PDGFD: variants seen among roughly 807,000 people sequenced by gnomAD.
PDGFD encodes the protein platelet derived growth factor D.
PDGFD carries 30 observed loss-of-function variants against 44.7 expected under a neutral mutation model. The observed-to-expected ratio is 0.67, with a 90% confidence interval of 0.50 to 0.91. The LOEUF (loss-of-function observed/expected upper bound fraction) is 0.91. PDGFD is among the 40% of genes least tolerant of loss of function. The pLI is 0.00. For synonymous variants in PDGFD, 173 were observed against 168.4 expected (o/e 1.03, Z -0.21); for missense variants, 445 against 457.8 (o/e 0.97, Z 0.25).
intron 1 of PDGFD, among the ~76,000 whole-genome samples, chr11:104,031,270 A>G (rs1403562313): frequency 2.6e-5 from 4 of 152,222 alleles, no homozygotes; most frequent in African/African-American, 4.8e-5. Flanking sequence ...TCCAGGATCT[A>G]AAAGGAACTT....
intron 1 of PDGFD, among the ~76,000 whole-genome samples, chr11:104,084,130 T>A (rs1861086064): frequency 6.6e-6 from 1 of 152,192 alleles, no homozygotes; most frequent in Non-Finnish European, 1.5e-5. Flanking sequence ...TCAAGTATGC[T>A]TCTATGCATT....
intron 1 of PDGFD, among the ~76,000 whole-genome samples, chr11:104,102,691 G>A (rs976066071): frequency 6.6e-6 from 1 of 152,090 alleles, no homozygotes; most frequent in South Asian, 2.1e-4. Flanking sequence ...ATGTCCATCA[G>A]TGATAGACTG....
intron 3 of PDGFD, among the ~76,000 whole-genome samples, chr11:103,969,511 T>C (rs1174904049): frequency 7.0e-6 from 1 of 143,278 alleles, no homozygotes; most frequent in Non-Finnish European, 1.5e-5. Flanking sequence ...TGGAAGTGGT[T>C]GAGGTATCAC....
chr11:104,009,282 T>C (rs901669592), intron 1 of PDGFD, among the ~76,000 whole-genome samples: 1 of 152,042 alleles, frequency 6.6e-6, no homozygotes, highest in Non-Finnish European at 1.5e-5. Context: ...TTTGCTGTTA[T>C]ATATGGGGGC....
intron 6 of PDGFD, among the ~76,000 whole-genome samples, chr11:103,918,741 T>A (rs1858163933): frequency 6.6e-6 from 1 of 152,182 alleles, no homozygotes; most frequent in Non-Finnish European, 1.5e-5. Flanking sequence ...TTGGACTGCC[T>A]TACTGGATGA....
At chr11:103,913,811 G>A (rs919246175) in intron 6 of PDGFD, among the ~76,000 whole-genome samples, 32 of 152,124 alleles carry the variant, frequency 2.1e-4, no homozygotes, top group African/African-American at 7.7e-4. Context: ...AAATGATAAA[G>A]GGGATATCAC....
chr11:104,036,844 G>A (rs1288574029), intron 1 of PDGFD: 3 of 1,614,016 alleles, frequency 1.9e-6, no homozygotes, highest in Admixed American at 3.3e-5. Context: ...CGTGTACTGC[G>A]TGCGGAGGGA....
chr11:104,084,891 C>A (rs568384775), intron 1 of PDGFD, among the ~76,000 whole-genome samples: 1 of 125,874 alleles, frequency 7.9e-6, no homozygotes, highest in South Asian at 2.2e-4. Flanking sequence ...GAATATAAAA[C>A]ATGTAATACA....
chr11:103,943,850 C>T (rs1050710592), intron 4 of PDGFD, among the ~76,000 whole-genome samples, 200 bp from the exon 5 acceptor site: 6 of 152,194 alleles, frequency 3.9e-5, no homozygotes, highest in South Asian at 2.1e-4. Context: ...AGATAACATT[C>T]GCTTTTTTGT....
Position 104,079,128 on chromosome 11 carries a change from T to A in PDGFD, c.125-78873A>T, listed in dbSNP as rs361306. 1.1e-4 allele frequency among the ~76,000 whole-genome samples: 16 copies of A among 152,082 alleles called. No individual in the cohort carries two copies. The East Asian group carries it at 3.1e-3, about 29-fold the overall frequency. The stretch of plus-strand genomic sequence containing the variant: ...GAAAATCTGAGAAAAACATATTTGG[T>A]GAATTCAAACAAAGTAGACATGTTA... On this transcript the variant is annotated intron_variant, in intron 1 of 6. Coordinates refer to ENST00000393158, the MANE Select transcript of PDGFD (RefSeq NM_025208.5).
At chr11:104,102,836 C>A (rs1040784206) in intron 1 of PDGFD, among the ~76,000 whole-genome samples, 3 of 152,182 alleles carry the variant, frequency 2.0e-5, no homozygotes, top group Non-Finnish European at 4.4e-5. Context: ...GGACAAAAAA[C>A]CAAACACCGC....
chr11:104,057,079 G>C (rs949540290), intron 1 of PDGFD, among the ~76,000 whole-genome samples: 3 of 152,190 alleles, frequency 2.0e-5, no homozygotes, highest in African/African-American at 7.2e-5. Flanking sequence ...AGTGAGCCCA[G>C]ATCGAGCCAC....
At chr11:103,957,068 T>A (rs1238200085) in intron 3 of PDGFD, among the ~76,000 whole-genome samples, 2 of 152,274 alleles carry the variant, frequency 1.3e-5, no homozygotes, top group African/African-American at 4.8e-5. Context: ...TTTAATTAGA[T>A]CCCATTTGTC....
At chr11:103,950,808 T>C (rs984804539) in intron 3 of PDGFD, among the ~76,000 whole-genome samples, 1 of 152,140 alleles carries the variant, frequency 6.6e-6, no homozygotes, top group African/African-American at 2.4e-5. Flanking sequence ...GAAACGCATA[T>C]AGTTGAAGCT....
At chr11:104,016,139 C>A (rs1031737580) in intron 1 of PDGFD, among the ~76,000 whole-genome samples, 1 of 152,122 alleles carries the variant, frequency 6.6e-6, no homozygotes, top group African/African-American at 2.4e-5. Flanking sequence ...GATGACCAAA[C>A]TAAAATTGAC....
At chr11:104,066,835 ATTATTTTCTCTTGAAGAC>A (rs1860797631) in intron 1 of PDGFD, among the ~76,000 whole-genome samples, 2 of 152,132 alleles carry the variant, frequency 1.3e-5, no homozygotes, top group African/African-American at 4.8e-5. Context: ...TAGCTTCAAT[ATTATTTTCTCTTGAAGAC>A]TTTAACCAAA....
At chr11:103,938,562 G>T (rs1448778308) in intron 5 of PDGFD, among the ~76,000 whole-genome samples, 1 of 152,066 alleles carries the variant, frequency 6.6e-6, no homozygotes, top group Admixed American at 6.6e-5. Flanking sequence ...AGTTTAATTA[G>T]ATCCCATTTG....
rs772909781 is a variant in PDGFD at position 103,947,690 on chromosome 11, T to C, written c.545A>G (p.Asn182Ser). The C allele has an allele frequency of 6.2e-7, 1 of 1,613,648 alleles. No individual in the cohort carries two copies. Among genetic ancestry groups the C allele is most frequent in the Admixed American group, 1.7e-5 (1 of 59,974 alleles). Residue 182 changes from asparagine (N) to serine (S), a missense_variant, in exon 4 of 7, where the codon AAC becomes AGC. By Grantham distance (46) the Asn-to-Ser change is conservative. Coordinates refer to ENST00000393158, the MANE Select transcript of PDGFD (RefSeq NM_025208.5). ...AATAGAGCTTGTGACAGATTCCCAG[T>C]TGGTCTCTGAAGCTGCTGCGGGTTG... ...DFQPAAASET[N>S]WESVTSSISG...
At chr11:103,937,184 T>C (rs1858502405) in intron 5 of PDGFD, among the ~76,000 whole-genome samples, 1 of 152,158 alleles carries the variant, frequency 6.6e-6, no homozygotes, top group Non-Finnish European at 1.5e-5. Flanking sequence ...CTAAAAATGA[T>C]TACTTTTTGG....
Sources: allele counts gnomAD v4.1 joint callset (sites outside exome capture counted in the v4.1 genomes callset), GRCh38; gene constraint gnomAD v4.1.1; transcripts MANE v1.5; gene names NCBI Gene and HGNC (gene_info 2026-07-23, HGNC 2026-07-21).